SOX10: variants seen among roughly 807,000 people sequenced by gnomAD.
SOX10 encodes the protein SRY-box transcription factor 10.
Under a neutral mutation model 35.0 loss-of-function variants are expected in SOX10, and 3 were observed. The ratio of observed to expected loss-of-function variants is 0.09; its 90% CI spans 0.04 to 0.22. The LOEUF is 0.22. Ranked by LOEUF, SOX10 falls within the 10% of genes least tolerant of loss-of-function variation. The probability of loss-of-function intolerance (pLI) is 1.00; values close to 1 mark genes in which losing one functional copy is unlikely to be tolerated. For missense variants in SOX10, 436 were observed against 655.1 expected (o/e 0.67, Z 3.65); for synonymous variants, 285 against 291.0 (o/e 0.98, Z 0.21).
At chr22:37,982,871 TC>T (rs1483761377) in intron 2 of SOX10, among the ~76,000 whole-genome samples, 11 of 152,170 alleles carry the variant, frequency 7.2e-5, no homozygotes, top group Non-Finnish European at 1.3e-4. Context: ...CCCTCACTCT[TC>T]CAAAGACTCT....
chr22:37,977,730 G>A, intron 3 of SOX10, 137 bp downstream of exon 3: 1 of 935,298 alleles, frequency 1.1e-6, no homozygotes, highest in South Asian at 1.6e-5. Flanking sequence ...GCTCCCTCTG[G>A]GCCCCTGCAG....
At chr22:37,976,222 CAAACAA>C (rs1305354233) in intron 3 of SOX10, among the ~76,000 whole-genome samples, 1 of 152,190 alleles carries the variant, frequency 6.6e-6, no homozygotes, top group Middle Eastern at 3.4e-3. Context: ...GACTCCATCT[CAAACAA>C]AAACAAAAAC....
intron 3 of SOX10, among the ~76,000 whole-genome samples, chr22:37,976,737 G>A (rs1932231400): frequency 6.6e-6 from 1 of 152,206 alleles, no homozygotes; most frequent in African/African-American, 2.4e-5. Flanking sequence ...TTGTTTGCAA[G>A]GATTGAGTTA....
chr22:37,982,159 C>A (rs934832794), intron 2 of SOX10, among the ~76,000 whole-genome samples: 1 of 152,194 alleles, frequency 6.6e-6, no homozygotes, highest in Non-Finnish European at 1.5e-5. Flanking sequence ...CTGACCACTC[C>A]TCAAAGTGTA....
In SOX10 at chr22:37,978,220, C is replaced by T; in HGVS notation, c.429-85G>A. ...TCCAGGTTGGCCTCCCTCTGAGTGTCCATCTTGGAAGATGTGAGGCCCTGG... is the reference window on the plus strand; with the variant it reads ...TCCAGGTTGGCCTCCCTCTGAGTGTTCATCTTGGAAGATGTGAGGCCCTGG... On this transcript the variant is annotated intron_variant, in intron 2 of 3. Coordinates refer to ENST00000396884, the MANE Select transcript of SOX10 (RefSeq NM_006941.4). This position sits in a 1 kb window ranked among gnomAD's most constrained non-coding sequence, Gnocchi z 5.0. 7.2e-7 allele frequency: 1 copy of T among 1,388,520 alleles called. No individual in the cohort carries two copies. Among genetic ancestry groups the T allele is most frequent in the Non-Finnish European group, 9.5e-7 (1 of 1,052,988 alleles). 86.0% of individuals were successfully genotyped at this position (1,388,520 alleles called of 1,614,324 possible). A position where few individuals can be genotyped will look rare whatever the true frequency, so the allele number is the denominator to read the frequency against.
rs764460100 is a variant in SOX10 at position 37,978,039 on chromosome 22, G to T, written c.525C>A (p.Pro175=). 2 of 1,611,332 alleles carry T rather than the reference G, an allele frequency of 1.2e-6. No individual in the cohort carries two copies. Among genetic ancestry groups the T allele is most frequent in the Non-Finnish European group, 1.7e-6 (2 of 1,179,366 alleles). The change falls in exon 3 of 4, where the codon CCC becomes CCA. Residue 175 remains proline, a synonymous_variant. Coordinates refer to ENST00000396884, the MANE Select transcript of SOX10 (RefSeq NM_006941.4). The surrounding 1 kb of genome is among the most constrained non-coding windows in gnomAD (Gnocchi z 5.0). ...KKDHPDYKYQ[P]RRRKNGKAAQ... The stretch of plus-strand genomic sequence containing the variant: ...CGGCCTTCCCGTTCTTCCGCCGCCT[G>T]GGCTGGTACTTGTAGTCCGGGTGGT...
intron 2 of SOX10, among the ~76,000 whole-genome samples, chr22:37,981,790 T>C (rs1233493363): frequency 6.6e-6 from 1 of 152,200 alleles, no homozygotes; most frequent in Non-Finnish European, 1.5e-5. Context: ...AGCTGTGACC[T>C]CTGCTCTTGG....
At chr22:37,976,914 T>C (rs1049449042) in intron 3 of SOX10, among the ~76,000 whole-genome samples, 1 of 152,030 alleles carries the variant, frequency 6.6e-6, no homozygotes, top group African/African-American at 2.4e-5. Context: ...TCAGAATGGC[T>C]GGTGGGATTT....
Position 37,974,251 on chromosome 22 carries a change from G to T in SOX10, c.698-53C>A. On this transcript the variant is annotated intron_variant, in intron 3 of 3. Transcript: ENST00000396884. This position sits in a 1 kb window ranked among gnomAD's most constrained non-coding sequence, Gnocchi z 5.4. ...AGCGCAAGGGGGAAGCAGGTTAGAG[G>T]CAGGTGGGCGCACGTGAACTTCCAT... 1 of 1,379,554 alleles carries T rather than the reference G, an allele frequency of 7.2e-7. No individual in the cohort carries two copies. Among genetic ancestry groups the T allele is most frequent in the Non-Finnish European group, 1.0e-6 (1 of 995,024 alleles). 85.5% of individuals were successfully genotyped at this position (1,379,554 alleles called of 1,614,324 possible).
rs962702149 is a variant in SOX10 at position 37,980,038 on chromosome 22, C to T, written c.429-1903G>A. Among the ~76,000 whole-genome samples, 1 of 152,190 alleles carries T rather than the reference C, an allele frequency of 6.6e-6. No individual in the cohort carries two copies. Among genetic ancestry groups the T allele is most frequent in the African/African-American group, 2.4e-5 (1 of 41,444 alleles). ...AGCATTCCTCTGCGGCTTAGCCTCC[C>T]TGTCTACTCCCCCCACCCCGGCCCT... On this transcript the variant is annotated intron_variant, in intron 2 of 3. Coordinates refer to ENST00000396884, the MANE Select transcript of SOX10 (RefSeq NM_006941.4). This position sits in a 1 kb window ranked among gnomAD's most constrained non-coding sequence, Gnocchi z 4.1.
rs1358568395 is a variant in SOX10 at position 37,972,580 on chromosome 22, C to G, written c.*915G>C. 4.3e-6 allele frequency: 1 copy of G among 231,348 alleles called. No homozygotes were observed. The highest frequency in any genetic ancestry group is 8.7e-6 in the Non-Finnish European group (1 of 115,246). 14.3% of individuals were successfully genotyped at this position (231,348 alleles called of 1,614,324 possible). On this transcript the variant is annotated 3_prime_UTR_variant, in exon 4 of 4. Coordinates refer to ENST00000396884, the MANE Select transcript of SOX10 (RefSeq NM_006941.4). ...CAGCCTGCCGACAGCAACCTGGGTG[C>G]TGGGCCCTGTGTCTCCTGGAGCCAA...
Position 37,983,348 on chromosome 22 carries a change from G to T in SOX10, c.428+9C>A, listed in dbSNP as rs774741291. On this transcript the variant is annotated intron_variant, in intron 2 of 3. Coordinates refer to ENST00000396884, the MANE Select transcript of SOX10 (RefSeq NM_006941.4). This position sits in a 1 kb window ranked among gnomAD's most constrained non-coding sequence, Gnocchi z 9.5. ...AGGGCCCGAGCCCGGGGGGCGGTCG[G>T]GTGCTCACCTCCAGAGCTTGCCCAG... 5 of 1,603,894 alleles carry T rather than the reference G, an allele frequency of 3.1e-6. No homozygotes were observed. Among genetic ancestry groups the T allele is most frequent in the Non-Finnish European group, 4.2e-6 (5 of 1,176,798 alleles).
intron 3 of SOX10, among the ~76,000 whole-genome samples, chr22:37,976,791 A>T (rs891600332): frequency 3.3e-5 from 5 of 152,236 alleles, no homozygotes; most frequent in African/African-American, 1.2e-4. Flanking sequence ...CCTGGAACAG[A>T]GTAGCTGCTC....
Position 37,974,959 on chromosome 22 carries a change from C to G in SOX10, c.698-761G>C, listed in dbSNP as rs1405587335. Among the ~76,000 whole-genome samples, 1 of 152,180 alleles carries G rather than the reference C, an allele frequency of 6.6e-6. No individual in the cohort carries two copies. Among genetic ancestry groups the G allele is most frequent in the Non-Finnish European group, 1.5e-5 (1 of 68,036 alleles). ...TCCCTGTCCTGGCCTCATGTTGTGT[C>G]CTTTCCAACCCTTCCCTCCTCCTGA... On this transcript the variant is annotated intron_variant, in intron 3 of 3. Transcript: ENST00000396884. The surrounding 1 kb of genome is among the most constrained non-coding windows in gnomAD (Gnocchi z 5.4).
chr22:37,975,752 A>G (rs1003008153), intron 3 of SOX10, among the ~76,000 whole-genome samples: 20 of 152,150 alleles, frequency 1.3e-4, no homozygotes, highest in East Asian at 1.9e-4. Flanking sequence ...TAGTTTCCTT[A>G]TCAGTAAAAT....
At position 37,978,604 on chromosome 22, in the gene SOX10, G is replaced by A. The variant is rs951838607; in HGVS notation, c.429-469C>T. ...ACTCAGTCTCTGCTACTTACTAGCT[G>A]TGTGTGTGACCTTGAGCAAATTACT... is the stretch of plus-strand genomic sequence containing the variant. On this transcript the variant is annotated intron_variant, in intron 2 of 3. Transcript: ENST00000396884. This position sits in a 1 kb window ranked among gnomAD's most constrained non-coding sequence, Gnocchi z 5.0. 2.0e-5 allele frequency among the ~76,000 whole-genome samples: 3 copies of A among 152,190 alleles called. No individual in the cohort carries two copies. The highest frequency in any genetic ancestry group is 4.4e-5 in the Non-Finnish European group (3 of 68,026).
chr22:37,973,177 T>G lies in SOX10; in HGVS notation c.*318A>C, dbSNP rs1932109876. On this transcript the variant is annotated 3_prime_UTR_variant, in exon 4 of 4. Transcript: ENST00000396884. ...TGGTGCTTCCCCTCCCCGAGGAGGG[T>G]GAGCAGGCCCTTCTCAGGTCCTGGG... 1.2e-5 allele frequency: 4 copies of G among 322,500 alleles called. No individual in the cohort carries two copies. The South Asian group carries it at 3.0e-4, about 24-fold the overall frequency. The allele number at this position is 322,500 out of a possible 1,614,324, so 20.0% of individuals were successfully genotyped here.
Position 37,973,789 on chromosome 22 carries a change from G to A in SOX10, c.1107C>T (p.Tyr369=), listed in dbSNP as rs1479748265. ...ETAGPQGPPH[Y]TDQPSTSQIA... is the part of the protein sequence containing the mutation. Reference sequence around the variant, plus strand: ...TCTGTGAGGTGGATGGCTGGTCGGTGTAGTGTGGGGGCCCCTGGGGCCCCG... The same window carrying A: ...TCTGTGAGGTGGATGGCTGGTCGGTATAGTGTGGGGGCCCCTGGGGCCCCG... Residue 369 remains tyrosine (Y), a synonymous_variant, in exon 4 of 4, where the codon TAC becomes TAT. Coordinates refer to ENST00000396884, the MANE Select transcript of SOX10 (RefSeq NM_006941.4). The A allele has an allele frequency of 1.3e-6, 2 of 1,596,328 alleles. No individual in the cohort carries two copies. The highest frequency in any genetic ancestry group is 2.2e-5 in the South Asian group (2 of 89,866).
Position 37,974,299 on chromosome 22 carries a change from G to T in SOX10, c.698-101C>A. 1 of 879,602 alleles carries T rather than the reference G, an allele frequency of 1.1e-6. No homozygotes were observed. The highest frequency in any genetic ancestry group is 1.8e-6 in the Non-Finnish European group (1 of 562,966). The allele number at this position is 879,602 out of a possible 1,614,324, so 54.5% of individuals were successfully genotyped here. A position where few individuals can be genotyped will look rare whatever the true frequency, so the allele number is the denominator to read the frequency against. ...CATGGTTCACCTTCAGGCAGCGGGT[G>T]CCTCTGGGAAAACCTTGTAAGTTTC... is the stretch of plus-strand genomic sequence containing the variant. On this transcript the variant is annotated intron_variant, in intron 3 of 3. Coordinates refer to ENST00000396884, the MANE Select transcript of SOX10 (RefSeq NM_006941.4). The surrounding 1 kb of genome is among the most constrained non-coding windows in gnomAD (Gnocchi z 5.4).
Sources: gnomAD v4.1 joint callset for allele counts (sites outside exome capture counted in the v4.1 genomes callset) on GRCh38, gnomAD v4.1.1 for gene constraint, Gnocchi (gnomAD v3.1) non-coding constraint, MANE v1.5 for transcripts, NCBI Gene and HGNC (gene_info 2026-07-23, HGNC 2026-07-21) for gene names.